Variants in TENM2 observed in about 807,000 individuals in gnomAD.
TENM2 encodes teneurin-2.
TENM2 carries 52 observed loss-of-function variants against 245.2 expected under a neutral mutation model. The observed-to-expected ratio is 0.21, with a 90% confidence interval of 0.17 to 0.27. The LOEUF (loss-of-function observed/expected upper bound fraction) is 0.27, where lower values mean the gene tolerates loss of function less well. Ranked by LOEUF, TENM2 falls within the 10% of genes least tolerant of loss-of-function variation. The pLI, the probability that TENM2 is intolerant of heterozygous loss-of-function variation, is 1.00. For synonymous variants in TENM2, 1,363 were observed against 1,438.9 expected (o/e 0.95, Z 1.19); for missense variants, 3,046 against 3,666.8 (o/e 0.83, Z 4.37).
the TENM2 span, among the ~76,000 whole-genome samples, chr5:167,035,642 G>A: frequency 6.6e-6 from 1 of 152,246 alleles, no homozygotes. Context: ...ATACAATAGC[G>A]AAGGAGAAAA....
At chr5:167,306,093 C>T (rs1755658335) in intron 1 of TENM2, among the ~76,000 whole-genome samples, 2 of 152,154 alleles carry the variant, frequency 1.3e-5, no homozygotes, top group African/African-American at 4.8e-5. Flanking sequence ...ATCCCAATAT[C>T]TAGAAGAGGT....
chr5:167,637,198 G>C (rs377488724), intron 2 of TENM2, among the ~76,000 whole-genome samples: 104 of 152,222 alleles, frequency 6.8e-4, no homozygotes, highest in African/African-American at 2.4e-3. Flanking sequence ...TGTTGCTGTT[G>C]CTATCTGTAT....
intron 5 of TENM2, among the ~76,000 whole-genome samples, chr5:168,035,048 A>G (rs2151974176): frequency 6.6e-6 from 1 of 152,364 alleles, no homozygotes; most frequent in Admixed American, 6.5e-5. Flanking sequence ...TGTTAACTAT[A>G]AAATACAAAC....
chr5:167,310,047 G>C, intron 1 of TENM2, among the ~76,000 whole-genome samples: 1 of 151,598 alleles, frequency 6.6e-6, no homozygotes, highest in East Asian at 1.9e-4. Flanking sequence ...GTGTCTTCGG[G>C]TGAATACTAA....
chr5:167,007,296 A>C, the TENM2 span, among the ~76,000 whole-genome samples: 1 of 152,200 alleles, frequency 6.6e-6, no homozygotes, highest in African/African-American at 2.4e-5. This position sits in a 1 kb window ranked among gnomAD's most constrained non-coding sequence, Gnocchi z 4.2. Flanking sequence ...CCCAGCTCAT[A>C]GCTAAATGAC....
intron 3 of TENM2, among the ~76,000 whole-genome samples, chr5:167,931,077 C>A (rs893888914): frequency 6.6e-6 from 1 of 152,170 alleles, no homozygotes; most frequent in African/African-American, 2.4e-5. Context: ...TAAGATAACA[C>A]CCTTTGCCCC....
intron 2 of TENM2, among the ~76,000 whole-genome samples, chr5:167,399,713 A>G (rs978246274): frequency 3.3e-5 from 5 of 152,180 alleles, no homozygotes; most frequent in African/African-American, 1.2e-4. Flanking sequence ...GAACCAAGTC[A>G]TGACTTTATT....
At chr5:167,827,035 T>C (rs988458720) in intron 2 of TENM2, among the ~76,000 whole-genome samples, 1 of 152,240 alleles carries the variant, frequency 6.6e-6, no homozygotes, top group African/African-American at 2.4e-5. Context: ...ACTGACTGTA[T>C]CCATCCTCCA....
chr5:167,680,024 T>A (rs1214067655), intron 2 of TENM2, among the ~76,000 whole-genome samples: 1 of 152,130 alleles, frequency 6.6e-6, no homozygotes, highest in Non-Finnish European at 1.5e-5. Flanking sequence ...CTTTTCCTTG[T>A]TAACTCCTTA....
chr5:168,061,297 G>A lies in TENM2; in HGVS notation c.1310-763G>A, dbSNP rs557263706. ...CTTTTCTTGGGCAACTGCTAGTCACGCTCAGCTTTTCCTTAATTCTGTGGT... is the reference window on the plus strand; with the variant it reads ...CTTTTCTTGGGCAACTGCTAGTCACACTCAGCTTTTCCTTAATTCTGTGGT... On this transcript the variant is annotated intron_variant, in intron 6 of 28. Transcript: ENST00000518659. 7.2e-5 allele frequency among the ~76,000 whole-genome samples: 11 copies of A among 152,170 alleles called. No homozygotes were observed. In the East Asian group the frequency reaches 7.7e-4, roughly 11 times the overall value.
intron 2 of TENM2, among the ~76,000 whole-genome samples, chr5:167,634,825 C>A (rs1470708303): frequency 6.6e-6 from 1 of 152,154 alleles, no homozygotes; most frequent in South Asian, 2.1e-4. Context: ...TTTATGGCTA[C>A]AATCATAGAG....
chr5:167,775,017 T>G (rs1346091723), intron 2 of TENM2, among the ~76,000 whole-genome samples: 3 of 152,182 alleles, frequency 2.0e-5, no homozygotes, highest in Non-Finnish European at 4.4e-5. Flanking sequence ...TTGCCCAGGC[T>G]GGAGTGCAAT....
intron 3 of TENM2, among the ~76,000 whole-genome samples, chr5:167,916,571 C>T (rs1323333766): frequency 1.3e-5 from 2 of 152,068 alleles, no homozygotes; most frequent in Non-Finnish European, 2.9e-5. Context: ...AAATTATACT[C>T]ACTTCAAAGC....
intron 3 of TENM2, among the ~76,000 whole-genome samples, chr5:167,916,788 G>A (rs1776983778): frequency 6.6e-6 from 1 of 152,174 alleles, no homozygotes; most frequent in Non-Finnish European, 1.5e-5. Context: ...ATTCTCTGTG[G>A]CCCACTGCCC....
At chr5:167,660,464 C>CAAAAA (rs749846307) in intron 2 of TENM2, 2 of 33,166 alleles carry the variant, frequency 6.0e-5, no homozygotes, top group Non-Finnish European at 7.5e-5. Context: ...GGCTGTGTCT[C>CAAAAA]AAAAAAAAAA....
At chr5:167,331,259 G>T (rs183716311) in intron 1 of TENM2, among the ~76,000 whole-genome samples, 4 of 138,284 alleles carry the variant, frequency 2.9e-5, no homozygotes, top group African/African-American at 1.1e-4. Context: ...AAAAAGACAA[G>T]AAAAAAGAAA....
At chr5:167,464,853 G>GA (rs576517045) in intron 2 of TENM2, among the ~76,000 whole-genome samples, 230 of 152,078 alleles carry the variant, frequency 1.5e-3, no homozygotes, top group Non-Finnish European at 2.9e-3. Flanking sequence ...TAAATTTTCT[G>GA]AAAAAAAGCA....
At chr5:167,089,355 T>C in the TENM2 span, among the ~76,000 whole-genome samples, 1 of 150,178 alleles carries the variant, frequency 6.7e-6, no homozygotes, top group Admixed American at 6.6e-5. Context: ...TTTAACATGC[T>C]GTACTAATAT....
chr5:168,214,357 C>T (rs1763012461), intron 20 of TENM2, among the ~76,000 whole-genome samples: 2 of 152,240 alleles, frequency 1.3e-5, no homozygotes, highest in South Asian at 4.1e-4. Flanking sequence ...GACCGTGGCT[C>T]ACGCCTGTGA....
Sources: gnomAD v4.1 joint callset for allele counts (sites outside exome capture counted in the v4.1 genomes callset) on GRCh38, gnomAD v4.1.1 for gene constraint, Gnocchi (gnomAD v3.1) non-coding constraint, MANE v1.5 for transcripts, NCBI Gene and HGNC (gene_info 2026-07-23, HGNC 2026-07-21) for gene names.